Variants in TMBIM6 observed in about 807,000 individuals in gnomAD.
TMBIM6 encodes the protein bax inhibitor 1.
A neutral mutation model predicts 31.4 loss-of-function variants in TMBIM6; 13 were observed. The ratio of observed to expected loss-of-function variants is 0.41; its 90% CI spans 0.27 to 0.66. TMBIM6 has a LOEUF of 0.66. Ranked by LOEUF, TMBIM6 falls within the 30% of genes least tolerant of loss-of-function variation. The pLI is 0.28. For missense variants in TMBIM6, 275 were observed against 289.5 expected (o/e 0.95, Z 0.36); for synonymous variants, 85 against 101.7 (o/e 0.84, Z 0.99).
chr12:49,754,130 G>A (rs1255413413), intron 3 of TMBIM6, among the ~76,000 whole-genome samples: 1 of 152,074 alleles, frequency 6.6e-6, no homozygotes, highest in Admixed American at 6.6e-5. Context: ...CACTTCCTTT[G>A]TATTTTTGTG....
chr12:49,755,486 C>G, intron 3 of TMBIM6, 149 bp from the exon 4 acceptor site: 3 of 940,754 alleles, frequency 3.2e-6, no homozygotes, highest in Non-Finnish European at 4.7e-6. Context: ...CAGCCCCATC[C>G]CTGAGAAAAC....
At chr12:49,748,369 T>TG (rs1945435240) in intron 1 of TMBIM6, among the ~76,000 whole-genome samples, 1 of 152,206 alleles carries the variant, frequency 6.6e-6, no homozygotes, top group Non-Finnish European at 1.5e-5. Context: ...TACCAGCCCC[T>TG]GCTGTCCCTG....
chr12:49,751,758 A>ATTTTTTTTT (rs58141027), intron 1 of TMBIM6, among the ~76,000 whole-genome samples: 6 of 108,526 alleles, frequency 5.5e-5, no homozygotes, highest in South Asian at 2.8e-4. Context: ...TAGTGAGATA[A>ATTTTTTTTT]TTTTTTTTTT....
At position 49,755,766 on chromosome 12, in the gene TMBIM6, G is replaced by T. The variant is rs774962212; in HGVS notation, c.286+11G>T. ...TTGCATTCCTTACAGGTACGTTAAG[G>T]GATTTGTCTAATTTTGAGGGGTGAG... is the stretch of plus-strand genomic sequence containing the variant. On this transcript the variant is annotated intron_variant, in intron 4 of 9. Transcript: ENST00000267115. The T allele has an allele frequency of 9.3e-6, 15 of 1,611,596 alleles. No homozygotes were observed. The highest frequency in any genetic ancestry group is 1.2e-5 in the Non-Finnish European group (14 of 1,179,072).
intron 3 of TMBIM6, 87 bp from the exon 4 acceptor site, chr12:49,755,548 C>A: frequency 6.6e-7 from 1 of 1,514,032 alleles, no homozygotes. Flanking sequence ...GAAGTTCAGA[C>A]GAGTGTTTGA....
In TMBIM6 at chr12:49,755,799, T is replaced by A. The variant is rs765455656; in HGVS notation, c.286+44T>A. ...CTAATTTTGAGGGGTGAGCTATATT[T>A]TCAGTATCTCTTAATTAGTTCCCCC... On this transcript the variant is annotated intron_variant, in intron 4 of 9. Transcript: ENST00000267115. The A allele has an allele frequency of 3.0e-5, 47 of 1,592,586 alleles. 1 individual carries two copies. Among genetic ancestry groups the A allele is most frequent in the Admixed American group, 2.7e-4 (15 of 54,632 alleles).
chr12:49,742,448 C>T (rs1265633178), intron 1 of TMBIM6: 1 of 939,550 alleles, frequency 1.1e-6, no homozygotes, highest in African/African-American at 1.7e-5. Flanking sequence ...AATTACTACC[C>T]GGTGCCAGCC....
At chr12:49,760,041 GGCGGAGCTTGCAGTGA>G (rs1407043109) in intron 8 of TMBIM6, among the ~76,000 whole-genome samples, 1 of 150,924 alleles carries the variant, frequency 6.6e-6, no homozygotes, top group Non-Finnish European at 1.5e-5. Flanking sequence ...GAACCGGGGA[GGCGGAGCTTGCAGTGA>G]GCGGAGATTG....
At chr12:49,756,361 C>G (rs548331640) in intron 4 of TMBIM6, among the ~76,000 whole-genome samples, 1 of 150,620 alleles carries the variant, frequency 6.6e-6, no homozygotes, top group South Asian at 2.1e-4. Flanking sequence ...GTGTTGATCT[C>G]TTGACCTAGT....
chr12:49,752,228 C>G (rs1945507033), intron 1 of TMBIM6, among the ~76,000 whole-genome samples: 1 of 152,072 alleles, frequency 6.6e-6, no homozygotes. Context: ...ATGATAGTAA[C>G]AAAATAGTTT....
intron 1 of TMBIM6, among the ~76,000 whole-genome samples, chr12:49,751,407 A>T (rs1273513585): frequency 6.6e-6 from 1 of 152,156 alleles, no homozygotes; most frequent in Non-Finnish European, 1.5e-5. Flanking sequence ...AAAGAAGATG[A>T]AGCAAATGTG....
chr12:49,747,955 G>A (rs1342417911), intron 1 of TMBIM6, among the ~76,000 whole-genome samples: 2 of 152,124 alleles, frequency 1.3e-5, no homozygotes, highest in Non-Finnish European at 2.9e-5. Context: ...CCATGGTGGA[G>A]GGCAATGGCG....
chr12:49,742,776 A>C (rs1469789291), intron 1 of TMBIM6, among the ~76,000 whole-genome samples: 2 of 151,750 alleles, frequency 1.3e-5, no homozygotes, highest in Non-Finnish European at 2.9e-5. Flanking sequence ...TTGTATTTAC[A>C]CTCTTTGGTG....
chr12:49,747,682 ATATT>A (rs1945421269), intron 1 of TMBIM6, among the ~76,000 whole-genome samples: 1 of 152,200 alleles, frequency 6.6e-6, no homozygotes, highest in Non-Finnish European at 1.5e-5. Flanking sequence ...ACATAAACTG[ATATT>A]TAATTAAATG....
intron 1 of TMBIM6, 91 bp from the exon 2 acceptor site, chr12:49,752,373 T>C: frequency 1.1e-6 from 1 of 935,968 alleles, no homozygotes; most frequent in Non-Finnish European, 1.6e-6. Flanking sequence ...TTTTCATCTT[T>C]CTGAACTTAC....
chr12:49,760,787 C>G (rs1945703666), intron 8 of TMBIM6, among the ~76,000 whole-genome samples: 1 of 151,222 alleles, frequency 6.6e-6, no homozygotes, highest in Non-Finnish European at 1.5e-5. Flanking sequence ...AGCAATCTGC[C>G]TTCCTCAGCC....
rs764825049 is a variant in TMBIM6, at chr12:49,753,101, C to T, written c.165+20C>T. On this transcript the variant is annotated intron_variant, in intron 3 of 9. Transcript: ENST00000267115. ...ATTCAGGTAAGAACGATTTTCTCTC[C>T]TGGTTGCTGTGGTACAAATTACATT... 1.6e-5 allele frequency: 25 copies of T among 1,602,456 alleles called. No individual in the cohort carries two copies. The highest frequency in any genetic ancestry group is 1.9e-5 in the Non-Finnish European group (22 of 1,171,824).
chr12:49,762,862 T>C lies in TMBIM6; in HGVS notation c.691-11T>C. The stretch of plus-strand genomic sequence containing the variant: ...CAAAAAATTAATTGGGTGATTTTTC[T>C]CCATTTCTAGGATAAGAAGAAAGAG... On this transcript the variant is annotated splice_polypyrimidine_tract_variant and intron_variant, in intron 9 of 9. Transcript: ENST00000267115. The C allele has an allele frequency of 6.2e-7, 1 of 1,612,128 alleles. No individual in the cohort carries two copies. Among genetic ancestry groups the C allele is most frequent in the Non-Finnish European group, 8.5e-7 (1 of 1,178,440 alleles).
chr12:49,749,544 T>C (rs569344577), intron 1 of TMBIM6: 6 of 151,352 alleles, frequency 4.0e-5, no homozygotes, highest in Admixed American at 1.3e-4. Context: ...GTGATTCTCC[T>C]GCCTCAGCCT....
Sources: gnomAD v4.1 joint callset for allele counts (sites outside exome capture counted in the v4.1 genomes callset) on GRCh38, gnomAD v4.1.1 for gene constraint, MANE v1.5 for transcripts, NCBI Gene and HGNC (gene_info 2026-07-23, HGNC 2026-07-21) for gene names.